Variants in PPP1R13B observed in about 807,000 individuals in gnomAD.
PPP1R13B encodes the protein apoptosis-stimulating of p53 protein 1.
In PPP1R13B, 44 loss-of-function variants were observed where a neutral mutation model predicts 119.8. The observed-to-expected ratio is 0.37, with a 90% CI of 0.29 to 0.47. The LOEUF (loss-of-function observed/expected upper bound fraction) is 0.47, where lower values mean the gene tolerates loss of function less well. PPP1R13B is among the 20% of genes least tolerant of loss of function. The pLI is 0.99. For missense variants in PPP1R13B, 1,227 were observed against 1,413.5 expected (o/e 0.87, Z 2.12); for synonymous variants, 542 against 561.5 (o/e 0.97, Z 0.49).
intron 4 of PPP1R13B, among the ~76,000 whole-genome samples, chr14:103,760,946 A>G (rs1304217449): frequency 6.6e-6 from 1 of 152,222 alleles, no homozygotes; most frequent in Non-Finnish European, 1.5e-5. Context: ...TATAAACAAA[A>G]TATTTGTCTC....
intron 15 of PPP1R13B, 92 bp from the exon 16 acceptor site, chr14:103,736,294 C>T (rs968335676): frequency 1.0e-5 from 14 of 1,380,138 alleles, no homozygotes; most frequent in African/African-American, 1.4e-5. Context: ...GTGCTGCTGC[C>T]GAGGCTGCTC....
chr14:103,821,886 A>G (rs2086419133), intron 1 of PPP1R13B, among the ~76,000 whole-genome samples: 1 of 152,206 alleles, frequency 6.6e-6, no homozygotes, highest in Admixed American at 6.5e-5. Context: ...CTAAGTGACA[A>G]TATTTGTTAA....
rs74708348 is a variant in PPP1R13B, at chr14:103,844,930, G to T, written c.9+2369C>A. Among the ~76,000 whole-genome samples the T allele has an allele frequency of 4.6e-3, 703 of 152,226 alleles. 4 individuals are homozygous for T. Among genetic ancestry groups the T allele is most frequent in the Middle Eastern group, 0.01 (3 of 294 alleles). On this transcript the variant is annotated intron_variant, in intron 1 of 16. Coordinates refer to ENST00000202556, the MANE Select transcript of PPP1R13B (RefSeq NM_015316.3). ...GTCACCGGATTCACACCAGATTTCAGACACTTAGTACCAGAAAAAATGTAT... is the reference window on the plus strand; with the variant it reads ...GTCACCGGATTCACACCAGATTTCATACACTTAGTACCAGAAAAAATGTAT...
chr14:103,824,092 C>G (rs908199305), intron 1 of PPP1R13B, among the ~76,000 whole-genome samples: 5 of 123,994 alleles, frequency 4.0e-5, no homozygotes, highest in Non-Finnish European at 7.9e-5. Flanking sequence ...TGTCGCCAGA[C>G]TGGAGTGCAG....
rs144607537 is a variant in PPP1R13B, at chr14:103,766,287, C to T, written c.355-8536G>A. Among the ~76,000 whole-genome samples the T allele has an allele frequency of 4.5e-3, 681 of 152,152 alleles. 4 individuals are homozygous for T. Among genetic ancestry groups the T allele is most frequent in the Middle Eastern group, 0.014 (4 of 294 alleles). The stretch of plus-strand genomic sequence containing the variant: ...CTTCCCAAGGTGCTGGGATTACAGG[C>T]GTCATCCACCGTGCCTGGCCCCTAG... On this transcript the variant is annotated intron_variant, in intron 4 of 16. Transcript: ENST00000202556.
intron 9 of PPP1R13B, among the ~76,000 whole-genome samples, chr14:103,745,436 C>T (rs930377824): frequency 6.6e-6 from 1 of 152,248 alleles, no homozygotes; most frequent in African/African-American, 2.4e-5. Context: ...ATTCCTGATG[C>T]TGTGTGTTTC....
At position 103,835,585 on chromosome 14, in the gene PPP1R13B, A is replaced by G. The variant is rs141964274; in HGVS notation, c.9+11714T>C. 4.2e-3 allele frequency among the ~76,000 whole-genome samples: 632 copies of G among 150,870 alleles called. 5 individuals carry two copies. Among genetic ancestry groups the G allele is most frequent in the African/African-American group, 0.015 (614 of 40,992 alleles). On this transcript the variant is annotated intron_variant, in intron 1 of 16. Transcript: ENST00000202556. ...GCTGGGTCTACAAAGGCATGCCACTATGTCCTGCTAATTTTTATTTTTATT... is the reference window on the plus strand; with the variant it reads ...GCTGGGTCTACAAAGGCATGCCACTGTGTCCTGCTAATTTTTATTTTTATT...
chr14:103,734,760 A>AC lies in PPP1R13B; in HGVS notation c.*393_*394insG. Reference sequence around the variant, plus strand: ...GGGGGCAGGGCGGTCGCAGGGGAGCAGGCCTCACAGCGGCGGACAGTGTTC... The same window carrying AC: ...GGGGGCAGGGCGGTCGCAGGGGAGCACGGCCTCACAGCGGCGGACAGTGTTC... On this transcript the variant is annotated 3_prime_UTR_variant, in exon 17 of 17. Transcript: ENST00000202556. The AC allele has an allele frequency of 2.2e-6, 1 of 464,634 alleles. No homozygotes were observed. Among genetic ancestry groups the AC allele is most frequent in the Non-Finnish European group, 4.3e-6 (1 of 232,560 alleles). The allele number at this position is 464,634 out of a possible 1,614,324, so 28.8% of individuals were successfully genotyped here.
Position 103,738,302 on chromosome 14 carries a change from C to A in PPP1R13B, c.2864+377G>T. The stretch of plus-strand genomic sequence containing the variant: ...AGCTCCCGAAGGCAAACGGAATGAA[C>A]AATGCGACAACCTACATGCCTGACC... On this transcript the variant is annotated intron_variant, in intron 14 of 16. Coordinates refer to ENST00000202556, the MANE Select transcript of PPP1R13B (RefSeq NM_015316.3). This position sits in a 1 kb window ranked among gnomAD's most constrained non-coding sequence, Gnocchi z 5.6. 1.0e-5 allele frequency: 3 copies of A among 298,774 alleles called. No individual in the cohort carries two copies. Among genetic ancestry groups the A allele is most frequent in the East Asian group, 7.8e-5 (1 of 12,864 alleles). The allele number at this position is 298,774 out of a possible 1,614,324, so 18.5% of individuals were successfully genotyped here. A position where few individuals can be genotyped will look rare whatever the true frequency, so the allele number is the denominator to read the frequency against.
intron 9 of PPP1R13B, among the ~76,000 whole-genome samples, chr14:103,746,132 T>C (rs924437528): frequency 6.6e-6 from 1 of 152,236 alleles, no homozygotes; most frequent in East Asian, 1.9e-4. Flanking sequence ...AATTAATCAT[T>C]TGTGTTTTGA....
Position 103,742,430 on chromosome 14 carries a change from T to TG in PPP1R13B, c.1321-140dup. The TG allele has an allele frequency of 7.6e-7, 1 of 1,313,162 alleles. No homozygotes were observed. The highest frequency in any genetic ancestry group is 1.0e-6 in the Non-Finnish European group (1 of 973,702). The allele number at this position is 1,313,162 out of a possible 1,614,324, so 81.3% of individuals were successfully genotyped here. On this transcript the variant is annotated intron_variant, in intron 10 of 16. Coordinates refer to ENST00000202556, the MANE Select transcript of PPP1R13B (RefSeq NM_015316.3). This position sits in a 1 kb window ranked among gnomAD's most constrained non-coding sequence, Gnocchi z 4.9. Reference sequence around the variant, plus strand: ...GTGACCAGGACTTGGGGCACACTGTTGAGCTCATTGCCTGTCTGCAAAAGT... The same window carrying TG: ...GTGACCAGGACTTGGGGCACACTGTTGGAGCTCATTGCCTGTCTGCAAAAGT...
intron 1 of PPP1R13B, among the ~76,000 whole-genome samples, chr14:103,828,370 C>CAAA (rs35467099): frequency 1.6e-4 from 16 of 102,226 alleles, no homozygotes; most frequent in Admixed American, 6.8e-4. Context: ...ACTCTGTCTC[C>CAAA]AAAAAAAAAA....
chr14:103,759,854 T>C (rs1465058101), intron 4 of PPP1R13B, among the ~76,000 whole-genome samples: 2 of 152,216 alleles, frequency 1.3e-5, no homozygotes, highest in East Asian at 3.8e-4. Flanking sequence ...AACCAAAAAG[T>C]ATTTTATTTG....
Position 103,847,506 on chromosome 14 carries a change from T to G in PPP1R13B, c.-199A>C, listed in dbSNP as rs2087082864. 4 of 983,432 alleles carry G rather than the reference T, an allele frequency of 4.1e-6. No individual in the cohort carries two copies. The highest frequency in any genetic ancestry group is 3.6e-6 in the Non-Finnish European group (3 of 830,412). The allele number at this position is 983,432 out of a possible 1,614,324, so 60.9% of individuals were successfully genotyped here. ...CGGCCGCCGGCGCGCTGCGTCGCTG[T>G]CCCGGGCACCCGGCCGCCGCCGCCG... On this transcript the variant is annotated 5_prime_UTR_variant, in exon 1 of 17. Coordinates refer to ENST00000202556, the MANE Select transcript of PPP1R13B (RefSeq NM_015316.3).
intron 4 of PPP1R13B, among the ~76,000 whole-genome samples, chr14:103,760,381 TAAG>T (rs563045687): frequency 1.0e-3 from 152 of 152,296 alleles, no homozygotes; most frequent in Admixed American, 1.8e-3. Context: ...TTGCATCTAA[TAAG>T]AAGAAGTCAA....
chr14:103,779,921 G>A lies in PPP1R13B; in HGVS notation c.278-1100C>T, dbSNP rs569142482. 2.6e-4 allele frequency among the ~76,000 whole-genome samples: 39 copies of A among 150,468 alleles called. 1 individual carries two copies. The highest frequency in any genetic ancestry group is 3.1e-4 in the Non-Finnish European group (21 of 67,576). ...TCCCAGCACTTTGGAAGGCTGAGGC[G>A]GACAGGCTGCTTGAAGCCAGGAGTT... On this transcript the variant is annotated intron_variant, in intron 3 of 16. Coordinates refer to ENST00000202556, the MANE Select transcript of PPP1R13B (RefSeq NM_015316.3).
At chr14:103,781,287 T>TC (rs1401564028) in intron 3 of PPP1R13B, among the ~76,000 whole-genome samples, 1 of 152,176 alleles carries the variant, frequency 6.6e-6, no homozygotes, top group African/African-American at 2.4e-5. Context: ...AAGCAGCACT[T>TC]CAACTGTCAG....
At chr14:103,750,355 C>T (rs2084508989) in intron 7 of PPP1R13B, among the ~76,000 whole-genome samples, 2 of 152,224 alleles carry the variant, frequency 1.3e-5, no homozygotes, top group African/African-American at 4.8e-5. Flanking sequence ...CCAAGTGAAG[C>T]ACCTTTACAT....
chr14:103,831,814 T>C (rs558962510), intron 1 of PPP1R13B, among the ~76,000 whole-genome samples: 46 of 152,110 alleles, frequency 3.0e-4, no homozygotes, highest in Non-Finnish European at 5.3e-4. Flanking sequence ...CACATGGCTG[T>C]AGTCCCAGCT....
Sources: gnomAD v4.1 joint callset for allele counts (sites outside exome capture counted in the v4.1 genomes callset) on GRCh38, gnomAD v4.1.1 for gene constraint, Gnocchi (gnomAD v3.1) non-coding constraint, MANE v1.5 for transcripts, NCBI Gene and HGNC (gene_info 2026-07-23, HGNC 2026-07-21) for gene names.